PPIE: variants seen among roughly 807,000 people sequenced by gnomAD.
PPIE encodes peptidyl-prolyl cis-trans isomerase E.
A neutral mutation model predicts 38.4 loss-of-function variants in PPIE; 20 were observed. That is an observed-to-expected ratio of 0.52 (90% CI 0.37 to 0.76). The LOEUF (loss-of-function observed/expected upper bound fraction) is 0.76. Among genes scored for constraint, PPIE ranks in the 30% least tolerant of loss-of-function variants. PPIE has a pLI of 0.00. For missense variants in PPIE, 322 were observed against 385.8 expected (o/e 0.83, Z 1.39); for synonymous variants, 142 against 135.7 (o/e 1.05, Z -0.32).
Position 39,745,302 on chromosome 1 carries a change from T to C in PPIE, c.385-73T>C, listed in dbSNP as rs142842969. On this transcript the variant is annotated intron_variant, in intron 6 of 9. Coordinates refer to ENST00000324379, the MANE Select transcript of PPIE (RefSeq NM_006112.4). ...GCACTGGAGTTGTGTTCTGGGTGGG[T>C]GTGTAGAATACTCGCACTCCTACTT... The C allele has an allele frequency of 7.6e-5, 121 of 1,590,626 alleles. No individual in the cohort carries two copies. In the Admixed American group the frequency reaches 2.0e-3, roughly 26 times the overall value.
Position 39,755,703 on chromosome 1 carries a change from G to C in PPIE, c.*2348G>C, listed in dbSNP as rs371787125. 2 of 985,304 alleles carry C rather than the reference G, an allele frequency of 2.0e-6. No individual in the cohort carries two copies. Among genetic ancestry groups the C allele is most frequent in the Non-Finnish European group, 2.4e-6 (2 of 829,926 alleles). 61.0% of individuals were successfully genotyped at this position (985,304 alleles called of 1,614,324 possible). A position where few individuals can be genotyped will look rare whatever the true frequency, so the allele number is the denominator to read the frequency against. On this transcript the variant is annotated 3_prime_UTR_variant, in exon 10 of 10. Coordinates refer to ENST00000324379, the MANE Select transcript of PPIE (RefSeq NM_006112.4). ...ACTCTGTTCCTCCCTGATACTCTGG[G>C]GAGGTGGAGGCCAGTGGGCAGTTCT...
At chr1:39,746,222 A>G (rs1647199907) in intron 7 of PPIE, 1 of 152,176 alleles carries the variant, frequency 6.6e-6, no homozygotes, top group African/African-American at 2.4e-5. Context: ...AATTTTGGTT[A>G]GGTCCTAAGT....
At position 39,755,988 on chromosome 1, in the gene PPIE, C is replaced by T. The variant is rs371322180; in HGVS notation, c.*2633C>T. On this transcript the variant is annotated 3_prime_UTR_variant, in exon 10 of 10. Coordinates refer to ENST00000324379, the MANE Select transcript of PPIE (RefSeq NM_006112.4). Reference sequence around the variant, plus strand: ...ATCTGTGGCGGCAGGGTCCACAGCCCTGGGGAGTGACACAGTCATGGTCCC... The same window carrying T: ...ATCTGTGGCGGCAGGGTCCACAGCCTTGGGGAGTGACACAGTCATGGTCCC... 2.0e-6 allele frequency: 2 copies of T among 985,404 alleles called. No homozygotes were observed. Among genetic ancestry groups the T allele is most frequent in the African/African-American group, 3.5e-5 (2 of 57,336 alleles). 61.0% of individuals were successfully genotyped at this position (985,404 alleles called of 1,614,324 possible).
chr1:39,763,066 C>T, intron 9 of PPIE: 1 of 1,609,360 alleles, frequency 6.2e-7, no homozygotes, highest in Non-Finnish European at 8.5e-7. Context: ...CCCCAGGGGG[C>T]TGGGCAGGAT....
intron 7 of PPIE, 47 bp downstream of exon 7, chr1:39,745,545 C>A (rs746729528): frequency 3.7e-6 from 6 of 1,612,220 alleles, no homozygotes; most frequent in Non-Finnish European, 5.1e-6. Context: ...GGTGGCTGAG[C>A]AGTGAGCCTT....
chr1:39,753,187 G>A, intron 9 of PPIE, 100 bp from the exon 10 acceptor site: 2 of 1,586,612 alleles, frequency 1.3e-6, no homozygotes, highest in Non-Finnish European at 1.7e-6. Flanking sequence ...TGCTGCCCAG[G>A]TTCCGGGGTG....
intron 2 of PPIE, among the ~76,000 whole-genome samples, chr1:39,740,805 G>A (rs980990385): frequency 1.3e-5 from 2 of 152,214 alleles, no homozygotes; most frequent in African/African-American, 4.8e-5. Flanking sequence ...GCATATGATT[G>A]TTAGCAAAGT....
intron 6 of PPIE, 62 bp from the exon 7 acceptor site, chr1:39,745,313 C>T (rs997913778): frequency 6.2e-7 from 1 of 1,605,828 alleles, no homozygotes; most frequent in South Asian, 1.1e-5. Context: ...GTGTAGAATA[C>T]TCGCACTCCT....
intron 9 of PPIE, 33 bp from the exon 10 acceptor site, chr1:39,753,254 G>A (rs913451604): frequency 1.2e-6 from 2 of 1,612,334 alleles, no homozygotes; most frequent in Non-Finnish European, 1.7e-6. Flanking sequence ...TTAGTCTCCG[G>A]CCTTACTCCC....
intron 5 of PPIE, 43 bp from the exon 6 acceptor site, chr1:39,743,781 G>C (rs1032528333): frequency 6.5e-7 from 1 of 1,542,274 alleles, no homozygotes; most frequent in African/African-American, 1.4e-5. Context: ...TTCAGTTCAA[G>C]CTGACAGCTT....
rs1384168152 is a variant in PPIE at position 39,762,571 on chromosome 1, G to A, written c.838-1118G>A. On this transcript the variant is annotated intron_variant, in intron 9 of 9. Coordinates refer to the PPIE transcript ENST00000356511. The stretch of plus-strand genomic sequence containing the variant: ...CAGGGGATCCAGAAAAAACAAAGAT[G>A]GCCAAGAGAGAAACTGGGGGAAAAG... 34 of 1,550,218 alleles carry A rather than the reference G, an allele frequency of 2.2e-5. No individual in the cohort carries two copies. The Middle Eastern group carries it at 5.0e-4, about 23-fold the overall frequency.
rs549287626 is a variant in PPIE at position 39,755,024 on chromosome 1, G to C, written c.*1669G>C. Reference sequence around the variant, plus strand: ...AAACAGGATTGCCAGCCACTGAAGAGAACAAATGGTCCCACCCCCTGCTGA... The same window carrying C: ...AAACAGGATTGCCAGCCACTGAAGACAACAAATGGTCCCACCCCCTGCTGA... On this transcript the variant is annotated 3_prime_UTR_variant, in exon 10 of 10. Transcript: ENST00000324379. The C allele has an allele frequency of 8.1e-6, 8 of 985,466 alleles. No individual in the cohort carries two copies. The South Asian group carries it at 3.3e-4, about 41-fold the overall frequency. 61.0% of individuals were successfully genotyped at this position (985,466 alleles called of 1,614,324 possible).
Position 39,740,147 on chromosome 1 carries a change from C to T in PPIE, c.32-18C>T. ...GTATGGAGATCAGTGGCTCAGAAGGCCCTTGGCTTATTTGCAGGTGGACTG... is the reference window on the plus strand; with the variant it reads ...GTATGGAGATCAGTGGCTCAGAAGGTCCTTGGCTTATTTGCAGGTGGACTG... On this transcript the variant is annotated intron_variant, in intron 1 of 9. Transcript: ENST00000324379. The T allele has an allele frequency of 1.5e-5, 24 of 1,605,198 alleles. No homozygotes were observed. Among genetic ancestry groups the T allele is most frequent in the Non-Finnish European group, 1.5e-5 (18 of 1,171,926 alleles).
chr1:39,742,279 A>G, intron 4 of PPIE: 1 of 183,034 alleles, frequency 5.5e-6, no homozygotes, highest in Non-Finnish European at 1.1e-5. Flanking sequence ...TTGAGAAGAG[A>G]AATTTAATTA....
At position 39,753,648 on chromosome 1, in the gene PPIE, T is replaced by G; in HGVS notation, c.*293T>G. 1 of 1,259,378 alleles carries G rather than the reference T, an allele frequency of 7.9e-7. No individual in the cohort carries two copies. The highest frequency in any genetic ancestry group is 1.0e-6 in the Non-Finnish European group (1 of 1,000,924). The allele number at this position is 1,259,378 out of a possible 1,614,324, so 78.0% of individuals were successfully genotyped here. On this transcript the variant is annotated 3_prime_UTR_variant, in exon 10 of 10. Coordinates refer to ENST00000324379, the MANE Select transcript of PPIE (RefSeq NM_006112.4). The stretch of plus-strand genomic sequence containing the variant: ...TTTGCTGCTGGGCCTCTCCTGGGAC[T>G]ACCAGTGTGGCTCTTACGTGTTTTC...
chr1:39,760,214 G>A (rs751060507), downstream of PPIE: 1 of 877,536 alleles, frequency 1.1e-6, no homozygotes, highest in East Asian at 2.7e-5. Flanking sequence ...CACCTGGGCT[G>A]GAAACAGGAC....
Position 39,741,911 on chromosome 1 carries a change from T to C in PPIE, c.191T>C (p.Ile64Thr). The C allele has an allele frequency of 6.2e-7, 1 of 1,614,244 alleles. No individual in the cohort carries two copies. Residue 64 changes from isoleucine (I) to threonine (T), a missense_variant, in exon 4 of 10, where the codon ATC becomes ACC. Transcript: ENST00000324379. ...FELAEDAAAA[I>T]DNMNESELFG... ...CCTTGGCAGGATGCTGCAGCAGCTA[T>C]CGACAACATGGTATGGCTGGGAATC...
chr1:39,752,998 G>A lies in PPIE; in HGVS notation c.783G>A (p.Lys261=). The change falls in exon 9 of 10, where the codon AAG becomes AAA. Residue 261 remains lysine (K), a synonymous_variant. Transcript: ENST00000324379. ...TCDKTDWLDG[K]HVVFGEVTEG... is the part of the protein sequence containing the mutation. ...ACAAGACAGACTGGCTGGATGGCAAGCATGTGGTGTTTGGAGAGGTCACCG... is the reference window on the plus strand; with the variant it reads ...ACAAGACAGACTGGCTGGATGGCAAACATGTGGTGTTTGGAGAGGTCACCG... The A allele has an allele frequency of 6.2e-7, 1 of 1,614,246 alleles. No homozygotes were observed. Among genetic ancestry groups the A allele is most frequent in the Non-Finnish European group, 8.5e-7 (1 of 1,180,040 alleles).
At chr1:39,760,731 C>T (rs1198992846), downstream of PPIE, among the ~76,000 whole-genome samples, 4 of 152,190 alleles carry the variant, frequency 2.6e-5, 1 homozygote, top group South Asian at 8.3e-4. Flanking sequence ...GAGCAGTCCT[C>T]AAGGCTCCAG....
Sources: gnomAD v4.1 joint callset for allele counts (sites outside exome capture counted in the v4.1 genomes callset) on GRCh38, gnomAD v4.1.1 for gene constraint, MANE v1.5 for transcripts, NCBI Gene and HGNC (gene_info 2026-07-23, HGNC 2026-07-21) for gene names.